Variants in ZNF100 observed in about 807,000 individuals in gnomAD.
ZNF100 encodes zinc finger protein 100 (Y1).
ZNF100 carries 12 observed loss-of-function variants against 15.8 expected under a neutral mutation model. The ratio of observed to expected loss-of-function variants is 0.76; its 90% confidence interval spans 0.49 to 1.23. The LOEUF (loss-of-function observed/expected upper bound fraction) is 1.23, where lower values mean the gene tolerates loss of function less well. Among genes scored for constraint, ZNF100 ranks in the 50% most tolerant of loss-of-function variants. The pLI, the probability that ZNF100 is intolerant of heterozygous loss-of-function variation, is 0.00. For missense variants in ZNF100, 670 were observed against 635.6 expected, an observed-to-expected ratio of 1.05 and a Z score of -0.58; for synonymous variants, 226 against 214.8, an observed-to-expected ratio of 1.05 and a Z score of -0.45.
At chr19:21,749,050 G>A (rs966714006) in intron 2 of ZNF100, among the ~76,000 whole-genome samples, 3 of 152,102 alleles carry the variant, frequency 2.0e-5, no homozygotes, top group Non-Finnish European at 4.4e-5. Flanking sequence ...TCTATTCACC[G>A]TACCAACCAT....
At chr19:21,765,615 G>T in intron 2 of ZNF100, 79 bp downstream of exon 2, 2 of 1,339,612 alleles carry the variant, frequency 1.5e-6, no homozygotes, top group Non-Finnish European at 2.1e-6. Flanking sequence ...ACCAGCATCT[G>T]ATTGGCTGAC....
intron 2 of ZNF100, among the ~76,000 whole-genome samples, chr19:21,754,652 CTCAAGATGGG>C (rs1199010669): frequency 1.3e-5 from 2 of 152,076 alleles, no homozygotes; most frequent in Non-Finnish European, 2.9e-5. Context: ...CAAAAAGTAA[CTCAAGATGGG>C]TTAAACACTT....
In ZNF100 at chr19:21,750,980, G is replaced by T. The variant is rs1051044161; in HGVS notation, c.97-5913C>A. ...CGGGGATGCGGTGGCGGTAGCGCCC[G>T]CTTCTGTGGAGCCTACCAGTTGGAT... is the stretch of plus-strand genomic sequence containing the variant. On this transcript the variant is annotated intron_variant, in intron 2 of 4. Transcript: ENST00000358296. 11 of 1,093,254 alleles carry T rather than the reference G, an allele frequency of 1.0e-5. No homozygotes were observed. The East Asian group carries it at 2.5e-4, about 25-fold the overall frequency. 67.7% of individuals were successfully genotyped at this position (1,093,254 alleles called of 1,614,324 possible). A position where few individuals can be genotyped will look rare whatever the true frequency, so the allele number is the denominator to read the frequency against.
In ZNF100 at chr19:21,727,863, T is replaced by A. The variant is rs369236200; in HGVS notation, c.449A>T (p.Lys150Ile). Residue 150 changes from lysine (K) to isoleucine (I), a missense_variant, in exon 5 of 5, where the codon AAA becomes ATA. Lys to Ile is a moderately radical substitution (Grantham distance 102). Coordinates refer to ENST00000358296, the MANE Select transcript of ZNF100 (RefSeq NM_173531.4). ...GTGCACTTTACACTCATCCACACTT[T>A]TACAGCCTTTTTGTAACTGTAAATT... ...HDNLQLQKGC[K>I]SVDECKVHKE... 3.8e-5 allele frequency: 62 copies of A among 1,610,418 alleles called. No homozygotes were observed. In the East Asian group the frequency reaches 6.5e-4, roughly 17 times the overall value.
rs757010512 is a variant in ZNF100 at position 21,745,094 on chromosome 19, C to T, written c.97-27G>A. The T allele has an allele frequency of 1.9e-6, 3 of 1,575,200 alleles. No individual in the cohort carries two copies. The East Asian group carries it at 6.8e-5, about 35-fold the overall frequency. ...TGAAAAGCACAAGCACAGAGACACA[C>T]ATATATTTACCAAGTGGCCATGGGC... On this transcript the variant is annotated intron_variant, in intron 2 of 4. Transcript: ENST00000358296.
chr19:21,744,827 G>T, intron 3 of ZNF100, 114 bp downstream of exon 3: 2 of 1,509,292 alleles, frequency 1.3e-6, no homozygotes, highest in Non-Finnish European at 1.8e-6. Context: ...AGATTTTCTT[G>T]AAAAAACGGA....
chr19:21,748,018 G>C (rs948205748), intron 2 of ZNF100, among the ~76,000 whole-genome samples: 4 of 152,092 alleles, frequency 2.6e-5, no homozygotes, highest in African/African-American at 9.7e-5. Context: ...GACAGAGGAG[G>C]GGGCATAGAA....
intron 4 of ZNF100, among the ~76,000 whole-genome samples, chr19:21,730,003 A>C (rs1273849336): frequency 6.6e-6 from 1 of 152,110 alleles, no homozygotes; most frequent in Non-Finnish European, 1.5e-5. Flanking sequence ...AAGTAAAAGC[A>C]TATCAATATA....
chr19:21,763,277 A>T (rs1339045896), intron 2 of ZNF100, among the ~76,000 whole-genome samples: 2 of 140,738 alleles, frequency 1.4e-5, no homozygotes, highest in Non-Finnish European at 3.1e-5. Flanking sequence ...AAATCTCTGC[A>T]CATATTTTTT....
intron 2 of ZNF100, among the ~76,000 whole-genome samples, chr19:21,753,882 C>T (rs548625348): frequency 6.6e-6 from 1 of 152,294 alleles, no homozygotes; most frequent in Admixed American, 6.5e-5. Flanking sequence ...TGCTACCAAC[C>T]TGTAGGTGTC....
chr19:21,757,738 G>T (rs982539314), intron 2 of ZNF100, among the ~76,000 whole-genome samples: 14 of 151,976 alleles, frequency 9.2e-5, no homozygotes, highest in East Asian at 1.9e-4. Flanking sequence ...AGCCTAGATT[G>T]AAAAAAATAT....
At chr19:21,728,783 T>A (rs2035861228) in intron 4 of ZNF100, among the ~76,000 whole-genome samples, 1 of 151,136 alleles carries the variant, frequency 6.6e-6, no homozygotes, top group South Asian at 2.1e-4. Flanking sequence ...TATAAAATTT[T>A]AAAAAAGAAA....
chr19:21,751,671 C>T (rs35336315), intron 2 of ZNF100: 105,504 of 1,305,528 alleles, frequency 0.081, 5,322 homozygotes, highest in South Asian at 0.19. Flanking sequence ...AGGCATTTTT[C>T]GGAGCTTCTT....
rs1223835019 is a variant in ZNF100 at position 21,726,060 on chromosome 19, T to C, written c.*623A>G. The C allele has an allele frequency of 6.6e-6, 1 of 152,184 alleles. No homozygotes were observed. Among genetic ancestry groups the C allele is most frequent in the Non-Finnish European group, 1.5e-5 (1 of 67,990 alleles). The allele number at this position is 152,184 out of a possible 1,614,324, so 9.4% of individuals were successfully genotyped here. A position where few individuals can be genotyped will look rare whatever the true frequency, so the allele number is the denominator to read the frequency against. Reference sequence around the variant, plus strand: ...AAGTTTGAGCAACTGCTTCAGAGGTTTCCTCTAATACAAAACGTGTACAGT... The same window carrying C: ...AAGTTTGAGCAACTGCTTCAGAGGTCTCCTCTAATACAAAACGTGTACAGT... On this transcript the variant is annotated 3_prime_UTR_variant, in exon 5 of 5. Transcript: ENST00000358296.
intron 2 of ZNF100, chr19:21,751,548 T>C: frequency 2.4e-6 from 3 of 1,267,342 alleles, no homozygotes; most frequent in South Asian, 1.2e-5. Flanking sequence ...AAAAGGATTG[T>C]TCTGGGAGCC....
In ZNF100 at chr19:21,724,952, G is replaced by A. The variant is rs933712282; in HGVS notation, c.*1731C>T. On this transcript the variant is annotated 3_prime_UTR_variant, in exon 5 of 5. Transcript: ENST00000358296. ...TGTAATCCCAGCTACTTAGGAGGCT[G>A]AGGCAGGAGAATTGCGTGAACCCAG... is the stretch of plus-strand genomic sequence containing the variant. The A allele has an allele frequency of 5.3e-4, 80 of 152,324 alleles. No individual in the cohort carries two copies. Among genetic ancestry groups the A allele is most frequent in the African/African-American group, 1.8e-3 (76 of 41,538 alleles). 9.4% of individuals were successfully genotyped at this position (152,324 alleles called of 1,614,324 possible).
chr19:21,755,047 T>C (rs2036369384), intron 2 of ZNF100, among the ~76,000 whole-genome samples: 1 of 152,156 alleles, frequency 6.6e-6, no homozygotes, highest in African/African-American at 2.4e-5. Context: ...TCAGCCGAGC[T>C]CACGCCTGTA....
At chr19:21,749,002 G>T (rs79508512) in intron 2 of ZNF100, among the ~76,000 whole-genome samples, 11,883 of 152,224 alleles carry the variant, frequency 0.078, 535 homozygotes, top group Middle Eastern at 0.15. Context: ...CACTGCTCCC[G>T]ACTGAAGAGG....
At chr19:21,732,007 C>G (rs2099295876) in intron 4 of ZNF100, among the ~76,000 whole-genome samples, 1 of 152,122 alleles carries the variant, frequency 6.6e-6, no homozygotes. Context: ...AATCCCAGCA[C>G]TTTGGGAGGC....
Sources: allele counts gnomAD v4.1 joint callset (sites outside exome capture counted in the v4.1 genomes callset), GRCh38; gene constraint gnomAD v4.1.1; transcripts MANE v1.5; gene names NCBI Gene and HGNC (gene_info 2026-07-23, HGNC 2026-07-21).